The following STAG1 variants were observed in gnomAD, a reference collection of about 807,000 sequenced individuals.
The protein encoded by STAG1 is cohesin subunit SA-1.
STAG1 carries 26 observed loss-of-function variants against 170.9 expected under a neutral mutation model. That is an observed-to-expected ratio of 0.15 (90% confidence interval 0.11 to 0.21). The LOEUF is 0.21. Ranked by LOEUF, STAG1 falls within the 10% of genes least tolerant of loss-of-function variation. STAG1 has a pLI of 1.00. For missense variants in STAG1, 964 were observed against 1,509.5 expected (o/e 0.64, Z 5.99); for synonymous variants, 514 against 497.7 (o/e 1.03, Z -0.44).
At position 136,340,480 on chromosome 3, in the gene STAG1, A is replaced by T. The variant is rs371752394; in HGVS notation, c.3672+11T>A. On this transcript the variant is annotated intron_variant, in intron 32 of 33. Transcript: ENST00000383202. Reference sequence around the variant, plus strand: ...ATTTTAACAAAAGAAAAATATAGTGAATTTCTCTACCAGATCAATAACCAT... The same window carrying T: ...ATTTTAACAAAAGAAAAATATAGTGTATTTCTCTACCAGATCAATAACCAT... 18 of 1,553,526 alleles carry T rather than the reference A, an allele frequency of 1.2e-5. No individual in the cohort carries two copies. Among genetic ancestry groups the T allele is most frequent in the Non-Finnish European group, 1.6e-5 (18 of 1,125,266 alleles).
intron 3 of STAG1, among the ~76,000 whole-genome samples, chr3:136,612,178 C>A (rs138110673): frequency 6.0e-4 from 91 of 152,190 alleles, no homozygotes; most frequent in Non-Finnish European, 1.2e-3. Context: ...GCTATATGTT[C>A]GGATTCAGAA....
intron 28 of STAG1, among the ~76,000 whole-genome samples, chr3:136,354,491 G>C (rs1307559495): frequency 6.6e-6 from 1 of 151,596 alleles, no homozygotes; most frequent in African/African-American, 2.4e-5. Flanking sequence ...TATTAGAGAT[G>C]GGGTTTCACC....
chr3:136,352,273 C>G (rs947791671), intron 28 of STAG1, among the ~76,000 whole-genome samples: 1 of 152,140 alleles, frequency 6.6e-6, no homozygotes, highest in Non-Finnish European at 1.5e-5. Flanking sequence ...GCCATCTTCC[C>G]ACCTCAGCCT....
intron 7 of STAG1, 111 bp downstream of exon 7, chr3:136,521,102 C>T (rs562206424): frequency 1.2e-6 from 1 of 867,356 alleles, no homozygotes; most frequent in Admixed American, 2.9e-5. Context: ...ATTCAAATGA[C>T]TGTTTTATTC....
intron 4 of STAG1, among the ~76,000 whole-genome samples, chr3:136,600,399 C>T (rs915101326): frequency 1.3e-5 from 2 of 152,220 alleles, no homozygotes; most frequent in Admixed American, 1.3e-4. Context: ...AACAACCAAA[C>T]TCCTGGCTAT....
intron 1 of STAG1, among the ~76,000 whole-genome samples, chr3:136,701,564 T>C (rs1241602095): frequency 6.6e-6 from 1 of 152,172 alleles, no homozygotes; most frequent in Non-Finnish European, 1.5e-5. Context: ...TTCCTACCTC[T>C]GCCACTTAAC....
chr3:136,338,337 A>G, intron 33 of STAG1, 33 bp downstream of exon 33: 5 of 1,591,734 alleles, frequency 3.1e-6, no homozygotes, highest in Non-Finnish European at 4.3e-6. Flanking sequence ...CCCAGGAACC[A>G]TAAATAAAAA....
intron 1 of STAG1, among the ~76,000 whole-genome samples, chr3:136,704,657 G>A (rs1315606948): frequency 8.6e-5 from 13 of 151,332 alleles, no homozygotes; most frequent in South Asian, 6.3e-4. Flanking sequence ...ACAAAACTCC[G>A]TCTCTACCAA....
chr3:136,633,517 T>C (rs569158927), intron 1 of STAG1, among the ~76,000 whole-genome samples: 29 of 151,770 alleles, frequency 1.9e-4, no homozygotes, highest in Non-Finnish European at 3.2e-4. Context: ...CTGGCCATCA[T>C]GGTGAAACCC....
chr3:136,611,335 G>C (rs947539893), intron 3 of STAG1, among the ~76,000 whole-genome samples: 1 of 152,070 alleles, frequency 6.6e-6, no homozygotes, highest in Middle Eastern at 3.4e-3. Flanking sequence ...TTTTAGTAGA[G>C]ATGAGGTTTC....
chr3:136,551,238 A>AGG (rs1936379447), intron 5 of STAG1, among the ~76,000 whole-genome samples: 1 of 144,966 alleles, frequency 6.9e-6, no homozygotes, highest in South Asian at 2.2e-4. Context: ...AGAGAGAGAG[A>AGG]GAGAGAGAGA....
At chr3:136,440,429 G>A (rs370687770) in intron 15 of STAG1, among the ~76,000 whole-genome samples, 8 of 151,864 alleles carry the variant, frequency 5.3e-5, no homozygotes, top group Non-Finnish European at 7.4e-5. Context: ...GAGCCACTGC[G>A]CCCTGCCCTT....
rs1259504939 is a variant in STAG1 at position 136,417,989 on chromosome 3, T to G, written c.2109-17A>C. ...TCATGTGCACTGAAATAAACAAAAA[T>G]GCATCTGTTTTATTCTAGAATGGAA... On this transcript the variant is annotated splice_polypyrimidine_tract_variant and intron_variant, in intron 20 of 33. Transcript: ENST00000383202. 3.8e-6 allele frequency: 6 copies of G among 1,568,930 alleles called. No individual in the cohort carries two copies. Among genetic ancestry groups the G allele is most frequent in the Non-Finnish European group, 5.3e-6 (6 of 1,139,386 alleles).
intron 1 of STAG1, among the ~76,000 whole-genome samples, chr3:136,730,831 C>T (rs1934000613): frequency 6.6e-6 from 1 of 152,196 alleles, no homozygotes; most frequent in Non-Finnish European, 1.5e-5. Flanking sequence ...CAAACACAAT[C>T]AAGTAACACT....
At chr3:136,539,257 T>C (rs928752697) in intron 6 of STAG1, among the ~76,000 whole-genome samples, 4 of 152,228 alleles carry the variant, frequency 2.6e-5, no homozygotes, top group Admixed American at 6.5e-5. Flanking sequence ...TTTTCTCAGT[T>C]TGTATACTAT....
intron 12 of STAG1, among the ~76,000 whole-genome samples, chr3:136,467,689 A>G (rs1212687248): frequency 1.3e-5 from 2 of 152,200 alleles, no homozygotes; most frequent in Non-Finnish European, 2.9e-5. Flanking sequence ...TCTCCACCCC[A>G]AATCAACAGA....
Position 136,684,713 on chromosome 3 carries a change from T to C in STAG1, c.-83-53732A>G, listed in dbSNP as rs777500299. Among the ~76,000 whole-genome samples, 4 of 145,876 alleles carry C rather than the reference T, an allele frequency of 2.7e-5. No homozygotes were observed. The East Asian group carries it at 6.0e-4, about 22-fold the overall frequency. On this transcript the variant is annotated intron_variant, in intron 1 of 33. Coordinates refer to ENST00000383202, the MANE Select transcript of STAG1 (RefSeq NM_005862.3). ...ATCGCTTGAACCCGGAAGGTGGAGG[T>C]TGCAGTGAGCCAAGATCACGACACT...
At chr3:136,694,614 A>T (rs932109078) in intron 1 of STAG1, among the ~76,000 whole-genome samples, 2 of 137,694 alleles carry the variant, frequency 1.5e-5, no homozygotes, top group South Asian at 2.3e-4. Context: ...CCATCTCTTT[A>T]AAAAAAAAAA....
chr3:136,432,095 T>C (rs1290582411), intron 16 of STAG1, among the ~76,000 whole-genome samples: 1 of 152,220 alleles, frequency 6.6e-6, no homozygotes, highest in Non-Finnish European at 1.5e-5. Flanking sequence ...TCTGATAGTA[T>C]TTCTTCAATC....
Sources: allele counts gnomAD v4.1 joint callset (sites outside exome capture counted in the v4.1 genomes callset), GRCh38; gene constraint gnomAD v4.1.1; transcripts MANE v1.5; gene names NCBI Gene and HGNC (gene_info 2026-07-23, HGNC 2026-07-21).